ANK1: variants seen among roughly 807,000 people sequenced by gnomAD.
ANK1 encodes ankyrin-1.
Under a neutral mutation model 210.4 loss-of-function variants are expected in ANK1, and 51 were observed. That is an observed-to-expected ratio of 0.24 (90% CI 0.19 to 0.31). ANK1 has a LOEUF of 0.31. ANK1 is among the 10% of genes least tolerant of loss of function. The pLI is 1.00. For missense variants in ANK1, 2,051 were observed against 2,504.4 expected, an observed-to-expected ratio of 0.82 and a Z score of 3.86; for synonymous variants, 967 against 1,025.9, an observed-to-expected ratio of 0.94 and a Z score of 1.10.
chr8:41,663,951 C>A, intron 39 of ANK1: 1 of 652,096 alleles, frequency 1.5e-6, no homozygotes, highest in South Asian at 1.6e-5. Context: ...GGCCTGAAGA[C>A]GAACGGTCGA....
In ANK1 at chr8:41,753,520, C is replaced by G. The variant is rs575223615; in HGVS notation, c.129+4516G>C. Among the ~76,000 whole-genome samples, 7 of 152,178 alleles carry G rather than the reference C, an allele frequency of 4.6e-5. No individual in the cohort carries two copies. The South Asian group carries it at 1.5e-3, about 32-fold the overall frequency. On this transcript the variant is annotated intron_variant, in intron 2 of 42. Coordinates refer to ENST00000289734, the MANE Select transcript of ANK1 (RefSeq NM_000037.4). ...CACACACAGCTCTGGCCCAGGGGCA[C>G]GCTGTCCCAGTTGTTTATAATTTCA...
In ANK1 at chr8:41,672,757, C is replaced by G; in HGVS notation, c.4693G>C (p.Asp1565His). 6.2e-7 allele frequency: 1 copy of G among 1,602,320 alleles called. No homozygotes were observed. The highest frequency in any genetic ancestry group is 8.5e-7 in the Non-Finnish European group (1 of 1,172,646). ...AGGCCCGCAGACCACACCTGCATGT[C>G]AGACATCTCCAGCATGGTGTCATGC... Reference protein sequence around the residue: ...TEHDTMLEMSDMQVWSAGLTP... With the variant: ...TEHDTMLEMSHMQVWSAGLTP... The change falls in exon 38 of 43, where the codon GAC becomes CAC. Residue 1565 changes from aspartate to histidine, a missense_variant. Physicochemically the swap from Asp to His is moderately conservative, Grantham distance 81 (BLOSUM62 -1). Around this residue, in one of 6 missense-constraint regions of ANK1, gnomAD observed 496 missense variants for 533.4 expected, o/e 0.93. Coordinates refer to ENST00000289734, the MANE Select transcript of ANK1 (RefSeq NM_000037.4).
intron 1 of ANK1, among the ~76,000 whole-genome samples, chr8:41,815,356 G>A (rs955069102): frequency 7.2e-5 from 11 of 152,060 alleles, no homozygotes; most frequent in African/African-American, 2.4e-4. Context: ...AAACACCCTT[G>A]TTGTTAGAAG....
chr8:41,729,101 G>T (rs1358106262), intron 3 of ANK1, among the ~76,000 whole-genome samples: 1 of 152,178 alleles, frequency 6.6e-6, no homozygotes, highest in Non-Finnish European at 1.5e-5. Context: ...AAAGGAAAGG[G>T]TAAGATCAAC....
intron 1 of ANK1, among the ~76,000 whole-genome samples, chr8:41,781,389 C>T (rs956872327): frequency 2.0e-5 from 3 of 152,226 alleles, no homozygotes; most frequent in Non-Finnish European, 4.4e-5. Flanking sequence ...TTCCGAGAGA[C>T]GCCTTTTAGG....
intron 1 of ANK1, among the ~76,000 whole-genome samples, chr8:41,766,249 T>G (rs1242913458): frequency 6.6e-6 from 1 of 152,078 alleles, no homozygotes; most frequent in East Asian, 1.9e-4. Flanking sequence ...GCTTGGGGGA[T>G]CTGAGAGCCG....
chr8:41,751,604 G>A (rs1837716053), intron 2 of ANK1, among the ~76,000 whole-genome samples: 1 of 152,132 alleles, frequency 6.6e-6, no homozygotes, highest in Non-Finnish European at 1.5e-5. Flanking sequence ...GGCAAAATGT[G>A]TGCTGAGACC....
In ANK1 at chr8:41,713,657, G is replaced by A. The variant is rs891908633; in HGVS notation, c.1800+499C>T. ...AGAGGTCTCTTGTTTCCAGGTTCCA[G>A]CAAGCTCGCCAGCAGCCCTGAGGAT... On this transcript the variant is annotated intron_variant, in intron 16 of 42. Transcript: ENST00000289734. 2.0e-5 allele frequency among the ~76,000 whole-genome samples: 3 copies of A among 152,352 alleles called. No homozygotes were observed. The East Asian group carries it at 5.8e-4, about 29-fold the overall frequency.
chr8:41,896,607 G>C (rs1820571308), exon 1 of ANK1: 3 of 1,267,626 alleles, frequency 2.4e-6, no homozygotes, highest in East Asian at 3.3e-5. Context: ...GTGGCGCCCC[G>C]AGGGCCGGCT....
intron 39 of ANK1, chr8:41,665,557 A>G (rs908383574): frequency 1.6e-5 from 5 of 317,638 alleles, no homozygotes; most frequent in Non-Finnish European, 3.1e-5. Flanking sequence ...ACAGTCCGAG[A>G]AAGCAGCTAC....
intron 1 of ANK1, chr8:41,839,998 G>T (rs1285310458): frequency 6.6e-6 from 1 of 151,988 alleles, no homozygotes; most frequent in Non-Finnish European, 1.5e-5. Context: ...TACAAGCTTT[G>T]CAATTTTTCT....
chr8:41,722,398 C>A (rs1476808863), intron 9 of ANK1, among the ~76,000 whole-genome samples: 1 of 152,228 alleles, frequency 6.6e-6, no homozygotes, highest in Non-Finnish European at 1.5e-5. Context: ...GACAGAACTG[C>A]TCGTGGGAAA....
At chr8:41,673,073 A>G (rs1463586266) in intron 37 of ANK1, among the ~76,000 whole-genome samples, 161 bp from the exon 38 acceptor site, 1 of 152,154 alleles carries the variant, frequency 6.6e-6, no homozygotes, top group Non-Finnish European at 1.5e-5. Flanking sequence ...TCCAGGCCCA[A>G]TGCTCAGGCC....
intron 1 of ANK1, among the ~76,000 whole-genome samples, chr8:41,887,683 G>T (rs574830418): frequency 6.6e-6 from 1 of 152,156 alleles, no homozygotes; most frequent in African/African-American, 2.4e-5. Flanking sequence ...ATGTTACTTG[G>T]CTACTCTGGC....
At chr8:41,723,247 A>C (rs1472281426) in intron 8 of ANK1, 24 bp from the exon 9 acceptor site, 1 of 1,612,948 alleles carries the variant, frequency 6.2e-7, no homozygotes, top group South Asian at 1.1e-5. Context: ...AGTCAAAAAC[A>C]GAAAGCCCAA....
chr8:41,789,249 A>G (rs1478292289), intron 1 of ANK1: 3 of 152,188 alleles, frequency 2.0e-5, no homozygotes, highest in African/African-American at 7.2e-5. Context: ...ATCTTCTTTA[A>G]ATTTCCAGAG....
intron 1 of ANK1, among the ~76,000 whole-genome samples, chr8:41,823,302 A>G (rs1362440914): frequency 6.6e-6 from 1 of 152,188 alleles, no homozygotes; most frequent in Non-Finnish European, 1.5e-5. Context: ...AATGCACAAC[A>G]TTAGAAAAAA....
intron 12 of ANK1, 32 bp downstream of exon 12, chr8:41,717,572 G>A (rs1828046397): frequency 6.5e-7 from 1 of 1,535,276 alleles, no homozygotes; most frequent in Admixed American, 2.0e-5. Flanking sequence ...CTTGGTCTAG[G>A]GGAGCAAGCC....
At chr8:41,730,323 G>A (rs751280888) in intron 3 of ANK1, among the ~76,000 whole-genome samples, 4 of 152,202 alleles carry the variant, frequency 2.6e-5, no homozygotes, top group Non-Finnish European at 5.9e-5. Context: ...TAAAGCCTGG[G>A]GCTGGGTGCA....
Sources: gnomAD v4.1 joint callset for allele counts (sites outside exome capture counted in the v4.1 genomes callset) on GRCh38, gnomAD v4.1.1 for gene constraint, gnomAD v4.1.1 regional missense constraint, MANE v1.5 for transcripts, NCBI Gene and HGNC (gene_info 2026-07-23, HGNC 2026-07-21) for gene names.